Variants in SGCZ observed in about 807,000 individuals in gnomAD.
The protein encoded by SGCZ is sarcoglycan zeta.
Under a neutral mutation model 41.3 loss-of-function variants are expected in SGCZ, and 40 were observed. The ratio of observed to expected loss-of-function variants is 0.97; its 90% CI spans 0.75 to 1.26. The LOEUF (loss-of-function observed/expected upper bound fraction) is 1.26. Ranked by LOEUF, SGCZ falls within the 50% of genes most tolerant of loss-of-function variation. The pLI is 0.00. For missense variants in SGCZ, 552 were observed against 369.8 expected (o/e 1.49, Z -4.04); for synonymous variants, 206 against 137.5 (o/e 1.50, Z -3.49).
chr8:15,055,382 C>A (rs1166002249), intron 1 of SGCZ, among the ~76,000 whole-genome samples: 1 of 152,124 alleles, frequency 6.6e-6, no homozygotes, highest in African/African-American at 2.4e-5. Flanking sequence ...ATAGTTATGG[C>A]AGACCTTGTC....
chr8:14,681,677 C>G (rs1376361810), intron 1 of SGCZ, among the ~76,000 whole-genome samples: 4 of 152,124 alleles, frequency 2.6e-5, no homozygotes, highest in African/African-American at 9.7e-5. Context: ...TCAGATATTA[C>G]TCAGATCTAA....
chr8:14,674,198 T>A (rs1343830245), intron 1 of SGCZ, among the ~76,000 whole-genome samples: 1 of 152,136 alleles, frequency 6.6e-6, no homozygotes, highest in Non-Finnish European at 1.5e-5. Context: ...TAAGAATCCC[T>A]TTTTCTTGTT....
intron 2 of SGCZ, among the ~76,000 whole-genome samples, chr8:14,424,932 A>G (rs1799736531): frequency 6.6e-6 from 1 of 152,212 alleles, no homozygotes; most frequent in Non-Finnish European, 1.5e-5. Flanking sequence ...CATACTAAGT[A>G]AATACAATAT....
At chr8:14,136,902 G>A (rs1415983769) in intron 5 of SGCZ, among the ~76,000 whole-genome samples, 6 of 152,170 alleles carry the variant, frequency 3.9e-5, no homozygotes, top group Non-Finnish European at 7.3e-5. Context: ...TCCCAGAAGG[G>A]CCGACTGACA....
In SGCZ at chr8:14,102,412, G is replaced by C. The variant is rs1426349735; in HGVS notation, c.708C>G (p.Cys236Trp). Residue 236 changes from cysteine (C) to tryptophan (W), a missense_variant, in exon 7 of 8, where the codon TGC (cysteine) becomes TGG (tryptophan). Cys to Trp is a radical substitution (Grantham distance 215, BLOSUM62 -2). Coordinates refer to ENST00000382080, the MANE Select transcript of SGCZ (RefSeq NM_139167.4). ...SAAAGDFKAT[C>W]RKELHLQSTE... Reference sequence around the variant, plus strand: ...TAGATTGCAGATGGAGCTCCTTCCTGCAGGTGGCCTTGAAGTCTCCTGCAG... The same window carrying C: ...TAGATTGCAGATGGAGCTCCTTCCTCCAGGTGGCCTTGAAGTCTCCTGCAG... The C allele has an allele frequency of 6.5e-7, 1 of 1,527,788 alleles. No individual in the cohort carries two copies. The highest frequency in any genetic ancestry group is 8.9e-7 in the Non-Finnish European group (1 of 1,125,798). The allele number at this position is 1,527,788 out of a possible 1,614,324, so 94.6% of individuals were successfully genotyped here. A position where few individuals can be genotyped will look rare whatever the true frequency, so the allele number is the denominator to read the frequency against.
intron 2 of SGCZ, among the ~76,000 whole-genome samples, chr8:14,506,104 G>A (rs1475281369): frequency 3.3e-5 from 5 of 151,950 alleles, no homozygotes; most frequent in South Asian, 2.1e-4. Context: ...TTGGGAGGCC[G>A]AGGCAGGCGG....
chr8:14,593,706 C>T (rs1805312952), intron 1 of SGCZ, among the ~76,000 whole-genome samples: 1 of 151,814 alleles, frequency 6.6e-6, no homozygotes, highest in Admixed American at 6.6e-5. Context: ...ATAACAAAAC[C>T]AACTATACAT....
chr8:14,644,019 T>A (rs1026771794), intron 1 of SGCZ, among the ~76,000 whole-genome samples: 1 of 151,668 alleles, frequency 6.6e-6, no homozygotes, highest in Non-Finnish European at 1.5e-5. Context: ...GGTAGTATTT[T>A]ACATGTAAGG....
intron 3 of SGCZ, among the ~76,000 whole-genome samples, chr8:14,306,737 G>C (rs921768043): frequency 2.0e-5 from 3 of 151,990 alleles, no homozygotes; most frequent in Non-Finnish European, 2.9e-5. Flanking sequence ...CATTATTTGT[G>C]GTCAATTTCT....
chr8:14,127,360 CTG>C (rs1374238937), intron 5 of SGCZ, among the ~76,000 whole-genome samples: 1 of 152,090 alleles, frequency 6.6e-6, no homozygotes. Flanking sequence ...CTATAAATGA[CTG>C]TGTTTTGTCA....
intron 2 of SGCZ, among the ~76,000 whole-genome samples, chr8:14,551,581 A>T (rs868551111): frequency 2.7e-4 from 5 of 18,222 alleles, no homozygotes; most frequent in African/African-American, 7.3e-4. Flanking sequence ...TATATATATA[A>T]TATATATAAT....
intron 2 of SGCZ, among the ~76,000 whole-genome samples, chr8:14,333,829 G>C (rs144664960): frequency 2.1e-3 from 325 of 152,162 alleles, no homozygotes; most frequent in Non-Finnish European, 4.1e-3. Flanking sequence ...ATTTAAAATG[G>C]AGTTATATTT....
chr8:14,323,066 C>A (rs1010416171), intron 3 of SGCZ, among the ~76,000 whole-genome samples: 1 of 151,962 alleles, frequency 6.6e-6, no homozygotes, highest in Non-Finnish European at 1.5e-5. Flanking sequence ...AATAAAATTT[C>A]TAGTACCAGA....
intron 1 of SGCZ, among the ~76,000 whole-genome samples, chr8:14,818,209 C>T (rs553855909): frequency 3.3e-5 from 5 of 152,244 alleles, no homozygotes; most frequent in African/African-American, 9.6e-5. Context: ...TGTCAACAGC[C>T]ACTGCCTCCC....
chr8:14,194,447 C>CA (rs1805202935), intron 4 of SGCZ, among the ~76,000 whole-genome samples: 1 of 151,728 alleles, frequency 6.6e-6, no homozygotes, highest in Non-Finnish European at 1.5e-5. Context: ...ATATAAAGAA[C>CA]AGAGGCTGAG....
chr8:15,219,494 G>A (rs1369831183), intron 1 of SGCZ, among the ~76,000 whole-genome samples: 1 of 152,196 alleles, frequency 6.6e-6, no homozygotes, highest in East Asian at 1.9e-4. Context: ...ATGGTCATCT[G>A]AGAAAGGTGT....
chr8:14,489,162 ATTAACAGCGAATTAGT>A (rs1563362950), intron 2 of SGCZ, among the ~76,000 whole-genome samples: 1 of 152,118 alleles, frequency 6.6e-6, no homozygotes, highest in East Asian at 1.9e-4. Context: ...TTAAGAATTC[ATTAACAGCGAATTAGT>A]TTAACAAGGC....
chr8:14,338,230 G>C (rs1287519432), intron 2 of SGCZ, among the ~76,000 whole-genome samples: 1 of 152,164 alleles, frequency 6.6e-6, no homozygotes, highest in Non-Finnish European at 1.5e-5. Flanking sequence ...TCCTAAGAAA[G>C]GAGGAGCTGG....
intron 1 of SGCZ, among the ~76,000 whole-genome samples, chr8:14,926,516 A>G (rs569387810): frequency 6.6e-6 from 1 of 152,290 alleles, no homozygotes; most frequent in East Asian, 1.9e-4. Flanking sequence ...TTCTAAACAA[A>G]TGTTGTACTG....
Sources: gnomAD v4.1 joint callset for allele counts (sites outside exome capture counted in the v4.1 genomes callset) on GRCh38, gnomAD v4.1.1 for gene constraint, MANE v1.5 for transcripts, NCBI Gene and HGNC (gene_info 2026-07-23, HGNC 2026-07-21) for gene names.